DNAH17: variants seen among roughly 807,000 people sequenced by gnomAD.
DNAH17 encodes the protein dynein axonemal heavy chain 17.
Under a neutral mutation model 485.6 loss-of-function variants are expected in DNAH17, and 376 were observed. The observed-to-expected ratio is 0.77, with a 90% CI of 0.71 to 0.84. The LOEUF (loss-of-function observed/expected upper bound fraction) is 0.84, where lower values mean the gene tolerates loss of function less well. Among genes scored for constraint, DNAH17 ranks in the 40% least tolerant of loss-of-function variants. DNAH17 has a pLI of 0.00. For missense variants in DNAH17, 6,370 were observed against 5,839.3 expected (o/e 1.09, Z -2.96); for synonymous variants, 3,031 against 2,405.9 (o/e 1.26, Z -7.60).
rs2086458086 is a variant in DNAH17 at position 78,426,323 on chromosome 17, C to T, written c.12915+134G>A. The stretch of plus-strand genomic sequence containing the variant: ...GGGGCATGGGCTAGGCCCTTCTGGC[C>T]CTGATCTGACAGAGGACAGGCCCCC... On this transcript the variant is annotated intron_variant, in intron 79 of 80. Coordinates refer to ENST00000389840, the MANE Select transcript of DNAH17 (RefSeq NM_173628.4). 5 of 1,152,734 alleles carry T rather than the reference C, an allele frequency of 4.3e-6. No individual in the cohort carries two copies. The South Asian group carries it at 9.5e-5, about 22-fold the overall frequency. 71.4% of individuals were successfully genotyped at this position (1,152,734 alleles called of 1,614,324 possible). A position where few individuals can be genotyped will look rare whatever the true frequency, so the allele number is the denominator to read the frequency against.
Position 78,480,034 on chromosome 17 carries a change from TTTTTTTTTTTTTTTTA to T in DNAH17, c.7753-418_7753-403del, listed in dbSNP as rs1357085134. 5.6e-4 allele frequency among the ~76,000 whole-genome samples: 39 copies of T among 69,146 alleles called. 3 individuals carry two copies. The highest frequency in any genetic ancestry group is 2.5e-3 in the East Asian group (6 of 2,436). 45.4% of individuals were successfully genotyped at this position (69,146 alleles called of 152,430 possible). Reference sequence around the variant, plus strand: ...AGTACTTTTTTTTTTTTTTTTTTTTTTTTTTTTTTTTTTTTAAAAAAAGTATGTCCCAGGCCGGGCA... The same window carrying T: ...AGTACTTTTTTTTTTTTTTTTTTTTTAAAAAAGTATGTCCCAGGCCGGGCA... On this transcript the variant is annotated intron_variant, in intron 49 of 80. Transcript: ENST00000389840.
rs1598592118 is a variant in DNAH17 at position 78,499,228 on chromosome 17, G to A, written c.5641-116C>T. The A allele has an allele frequency of 4.2e-6, 3 of 720,646 alleles. No individual in the cohort carries two copies. In the South Asian group the frequency reaches 6.7e-5, roughly 16 times the overall value. 44.6% of individuals were successfully genotyped at this position (720,646 alleles called of 1,614,324 possible). ...TTTTCTCTTCCCAAAGCTTGCTCAG[G>A]CCCCGGTGCATTGGAGCCTTCCGCA... On this transcript the variant is annotated intron_variant, in intron 36 of 80. Coordinates refer to ENST00000389840, the MANE Select transcript of DNAH17 (RefSeq NM_173628.4).
rs1280618647 is a variant in DNAH17 at position 78,501,237 on chromosome 17, G to A, written c.5430C>T (p.Ser1810=). Residue 1810 remains serine, a synonymous_variant, in exon 35 of 81, where the codon TCC becomes TCT. Coordinates refer to ENST00000389840, the MANE Select transcript of DNAH17 (RefSeq NM_173628.4). ...GCGGCGTGTTGCCCAGATACTCATA[G>A]GAATACTGGATTTGGGCATCGCAGA... ...ANICDAQIQY[S]YEYLGNTPRL... is the part of the protein sequence containing the mutation. 6.2e-7 allele frequency: 1 copy of A among 1,607,856 alleles called. No individual in the cohort carries two copies. The highest frequency in any genetic ancestry group is 8.5e-7 in the Non-Finnish European group (1 of 1,174,972).
At position 78,485,569 on chromosome 17, in the gene DNAH17, C is replaced by G. The variant is rs561286701; in HGVS notation, c.7464G>C (p.Thr2488=). The change falls in exon 47 of 81, where the codon ACG becomes ACC. Residue 2488 remains threonine, a synonymous_variant. Coordinates refer to ENST00000389840, the MANE Select transcript of DNAH17 (RefSeq NM_173628.4). The part of the protein sequence containing the change: ...LVQAVPFNFY[T]TSAMLQGVLE... ...CCTCACCCTGCAGCATGGCTGAGGT[C>G]GTGTAGAAGTTGAAGGGCACAGCCT... is the stretch of plus-strand genomic sequence containing the variant. 1.9e-6 allele frequency: 3 copies of G among 1,612,008 alleles called. No homozygotes were observed. In the African/African-American group the frequency reaches 4.0e-5, roughly 22 times the overall value.
At chr17:78,538,911 T>A (rs2091450085) in intron 18 of DNAH17, among the ~76,000 whole-genome samples, 1 of 152,100 alleles carries the variant, frequency 6.6e-6, no homozygotes, top group Admixed American at 6.5e-5. Flanking sequence ...CTGGCGGTAC[T>A]CAAAATCATT....
chr17:78,512,660 G>A (rs991579416), intron 26 of DNAH17, among the ~76,000 whole-genome samples: 2 of 152,198 alleles, frequency 1.3e-5, no homozygotes, highest in East Asian at 3.9e-4. Flanking sequence ...AATCAATGGA[G>A]GCCAGGTGCG....
Position 78,501,343 on chromosome 17 carries a change from A to C in DNAH17, c.5324T>G (p.Val1775Gly). 1 of 1,588,236 alleles carries C rather than the reference A, an allele frequency of 6.3e-7. No individual in the cohort carries two copies. The highest frequency in any genetic ancestry group is 8.6e-7 in the Non-Finnish European group (1 of 1,159,870). The change falls in exon 35 of 81, where the codon GTG (valine) becomes GGG (glycine). Residue 1775 changes from valine (V) to glycine (G), a missense_variant and splice_region_variant. Physicochemically the swap from Val to Gly is moderately radical, Grantham distance 109. Transcript: ENST00000389840. Reference protein sequence around the residue: ...DVVAKMIVAKVESSQAFTWQA... With the variant: ...DVVAKMIVAKGESSQAFTWQA... ...CCAGGTGAAGGCCTGAGAACTCTCCACCTGCAGGATGAGCCGGAGCTCTTG... is the reference window on the plus strand; with the variant it reads ...CCAGGTGAAGGCCTGAGAACTCTCCCCCTGCAGGATGAGCCGGAGCTCTTG...
chr17:78,529,383 A>T, intron 22 of DNAH17, 89 bp downstream of exon 22: 1 of 1,265,588 alleles, frequency 7.9e-7, no homozygotes, highest in Non-Finnish European at 1.1e-6. Context: ...AGCATCCCCC[A>T]TGGTTGCGTT....
intron 56 of DNAH17, 27 bp downstream of exon 56, chr17:78,466,628 C>G (rs776746231): frequency 6.3e-7 from 1 of 1,587,586 alleles, no homozygotes; most frequent in South Asian, 1.1e-5. Context: ...GCTCTACACT[C>G]AGGCAGAGGT....
chr17:78,457,853 G>T (rs767191788), intron 62 of DNAH17, among the ~76,000 whole-genome samples: 1 of 152,074 alleles, frequency 6.6e-6, no homozygotes, highest in Non-Finnish European at 1.5e-5. Context: ...TAGAGACAGG[G>T]TTTTACCATG....
Position 78,543,925 on chromosome 17 carries a change from T to A in DNAH17, c.2464A>T (p.Ile822Phe). The change falls in exon 17 of 81, where the codon ATT becomes TTT. Residue 822 changes from isoleucine (I) to phenylalanine (F), a missense_variant. Physicochemically the swap from Ile to Phe is conservative, Grantham distance 21. Transcript: ENST00000389840. ...KEALLDLDGR[I>F]ANLNKRYAAV... is the part of the protein sequence containing the mutation. The stretch of plus-strand genomic sequence containing the variant: ...GCGTAGCGCTTGTTGAGGTTGGCAA[T>A]TCTTCCATCCAAGTCTAACAGGGCC... 1 of 1,614,074 alleles carries A rather than the reference T, an allele frequency of 6.2e-7. No homozygotes were observed. Among genetic ancestry groups the A allele is most frequent in the Non-Finnish European group, 8.5e-7 (1 of 1,179,900 alleles).
chr17:78,572,227 C>T (rs1028571971), intron 3 of DNAH17, among the ~76,000 whole-genome samples: 1 of 148,708 alleles, frequency 6.7e-6, no homozygotes, highest in African/African-American at 2.5e-5. Flanking sequence ...AAGGCAGGTG[C>T]GAGGGGACAC....
chr17:78,426,420 G>A lies in DNAH17; in HGVS notation c.12915+37C>T, dbSNP rs753277058. 1.9e-5 allele frequency: 30 copies of A among 1,552,230 alleles called. No homozygotes were observed. In the Middle Eastern group the frequency reaches 6.9e-4, roughly 36 times the overall value. ...GCCGAGCTCTGGGCACTCGGTCCCCGAGTCTTAGGAAGCCTCTCAGAGAAA... is the reference window on the plus strand; with the variant it reads ...GCCGAGCTCTGGGCACTCGGTCCCCAAGTCTTAGGAAGCCTCTCAGAGAAA... On this transcript the variant is annotated intron_variant, in intron 79 of 80. Transcript: ENST00000389840.
intron 11 of DNAH17, among the ~76,000 whole-genome samples, chr17:78,565,212 A>G (rs1438504687): frequency 6.6e-6 from 1 of 152,184 alleles, no homozygotes; most frequent in Non-Finnish European, 1.5e-5. Flanking sequence ...ATCTATTGAG[A>G]TGGTATAAAT....
Position 78,507,630 on chromosome 17 carries a change from T to A in DNAH17, c.4412A>T (p.Glu1471Val), listed in dbSNP as rs1598611570. The change falls in exon 28 of 81, where the codon GAG becomes GTG. Residue 1471 changes from glutamate (E) to valine (V), a missense_variant. By Grantham distance (121) the Glu-to-Val change is moderately radical (BLOSUM62 -2). Transcript: ENST00000389840. ...CAGCTTCTGCTGCCAGCTTGTCACC[T>A]CCTTCAGGAAGTGGGCCAGGTACTT... ...MSKYLAHFLK[E>V]VTSWQQKLST... The A allele has an allele frequency of 6.2e-7, 1 of 1,614,096 alleles. No individual in the cohort carries two copies. The highest frequency in any genetic ancestry group is 1.1e-5 in the South Asian group (1 of 91,084).
intron 19 of DNAH17, among the ~76,000 whole-genome samples, chr17:78,534,432 C>A (rs1325041215): frequency 6.6e-6 from 1 of 152,212 alleles, no homozygotes; most frequent in Non-Finnish European, 1.5e-5. Context: ...GGAAAGAAGC[C>A]ACAGGGGAGA....
chr17:78,543,320 G>A (rs1332364078), intron 17 of DNAH17, among the ~76,000 whole-genome samples: 1 of 142,914 alleles, frequency 7.0e-6, no homozygotes, highest in African/African-American at 2.7e-5. Flanking sequence ...GTCTCGCTCT[G>A]TCGCCCAAGC....
rs1185923018 is a variant in DNAH17 at position 78,424,225 on chromosome 17, G to A, written c.13142-72C>T. 3.9e-6 allele frequency: 6 copies of A among 1,531,572 alleles called. No homozygotes were observed. The African/African-American group carries it at 8.2e-5, about 21-fold the overall frequency. The allele number at this position is 1,531,572 out of a possible 1,614,324, so 94.9% of individuals were successfully genotyped here. On this transcript the variant is annotated intron_variant, in intron 80 of 80. Transcript: ENST00000389840. ...AGGGAGGGGCTGGCAGGAAGGGTGG[G>A]GTCCTCACACTCCCCGCCCTCTGCA... is the stretch of plus-strand genomic sequence containing the variant.
At chr17:78,431,460 G>A (rs1024533233) in intron 75 of DNAH17, among the ~76,000 whole-genome samples, 9 of 118,178 alleles carry the variant, frequency 7.6e-5, no homozygotes, top group South Asian at 2.6e-4. Context: ...CCCCCACCCC[G>A]AGACTCCTGG....
Sources: gnomAD v4.1 joint callset for allele counts (sites outside exome capture counted in the v4.1 genomes callset) on GRCh38, gnomAD v4.1.1 for gene constraint, MANE v1.5 for transcripts, NCBI Gene and HGNC (gene_info 2026-07-23, HGNC 2026-07-21) for gene names.